Variants in IREB2 observed in about 807,000 individuals in gnomAD.
The protein encoded by IREB2 is iron responsive element binding protein 2.
Under a neutral mutation model 118.8 loss-of-function variants are expected in IREB2, and 39 were observed. That is an observed-to-expected ratio of 0.33 (90% CI 0.25 to 0.43). The LOEUF (loss-of-function observed/expected upper bound fraction) is 0.43. Ranked by LOEUF, IREB2 falls within the 20% of genes least tolerant of loss-of-function variation. The probability of loss-of-function intolerance (pLI) is 1.00; values close to 1 mark genes in which losing one functional copy is unlikely to be tolerated. For missense variants in IREB2, 900 were observed against 1,147.3 expected (o/e 0.78, Z 3.11); for synonymous variants, 372 against 392.2 (o/e 0.95, Z 0.61).
chr15:78,483,966 G>T (rs891540729), intron 11 of IREB2, among the ~76,000 whole-genome samples: 2 of 151,834 alleles, frequency 1.3e-5, no homozygotes, highest in Non-Finnish European at 1.5e-5. Context: ...TGTATTTTTA[G>T]TAGAGACAGG....
chr15:78,496,091 T>A (rs1398016738), intron 20 of IREB2, among the ~76,000 whole-genome samples: 2 of 152,238 alleles, frequency 1.3e-5, no homozygotes, highest in African/African-American at 4.8e-5. Flanking sequence ...CTGGGTCTTG[T>A]GTTGCACATT....
At chr15:78,493,835 T>C (rs1485933497) in intron 18 of IREB2, 74 bp from the exon 19 acceptor site, 1 of 1,411,938 alleles carries the variant, frequency 7.1e-7, no homozygotes, top group East Asian at 2.3e-5. Flanking sequence ...AATTTTTCAA[T>C]AGGTCTTACA....
intron 2 of IREB2, among the ~76,000 whole-genome samples, chr15:78,451,185 C>CG (rs2051020104): frequency 6.6e-6 from 1 of 151,978 alleles, no homozygotes; most frequent in Non-Finnish European, 1.5e-5. Context: ...AGGCTGGTCT[C>CG]GAACTCCTGA....
chr15:78,448,311 A>T (rs142570710), intron 2 of IREB2, among the ~76,000 whole-genome samples: 1 of 151,974 alleles, frequency 6.6e-6, no homozygotes, highest in African/African-American at 2.4e-5. Flanking sequence ...CGCCCGGCTG[A>T]TTTCTATATT....
chr15:78,463,075 T>C lies in IREB2; in HGVS notation c.260T>C (p.Leu87Pro). 6.3e-7 allele frequency: 1 copy of C among 1,599,836 alleles called. No individual in the cohort carries two copies. The highest frequency in any genetic ancestry group is 8.5e-7 in the Non-Finnish European group (1 of 1,175,748). Reference protein sequence around the residue: ...EVPFFPARVLLQDFTGIPAMV... With the variant: ...EVPFFPARVLPQDFTGIPAMV... ...CCCTTTTTCCCTGCCCGTGTTCTTC[T>C]TCAAGATTTTACGTGAGTAATGGGT... Residue 87 changes from leucine (L) to proline (P), a missense_variant, in exon 3 of 22, where the codon CTT (leucine) becomes CCT (proline). Transcript: ENST00000258886.
chr15:78,481,271 C>T (rs189418527), intron 10 of IREB2, among the ~76,000 whole-genome samples: 22 of 152,160 alleles, frequency 1.4e-4, no homozygotes, highest in African/African-American at 4.6e-4. Context: ...GGCGTGATCA[C>T]GGCTCACTGC....
intron 2 of IREB2, among the ~76,000 whole-genome samples, chr15:78,455,351 A>T (rs1167631961): frequency 6.6e-6 from 1 of 152,128 alleles, no homozygotes; most frequent in African/African-American, 2.4e-5. Flanking sequence ...AGATGGGGAG[A>T]GTAGGGAGGA....
chr15:78,439,813 T>G lies in IREB2; in HGVS notation c.38T>G (p.Leu13Arg). Residue 13 changes from leucine to arginine, a missense_variant, in exon 2 of 22, where the codon CTT becomes CGT. Leu to Arg is a moderately radical substitution (Grantham distance 102). Transcript: ENST00000258886. ...APKAGYAFEY[L>R]IETLNDSSHK... ...TTTTCAGGATACGCCTTTGAGTACCTTATTGAAACATTAAATGACAGTTCA... is the reference window on the plus strand; with the variant it reads ...TTTTCAGGATACGCCTTTGAGTACCGTATTGAAACATTAAATGACAGTTCA... The G allele has an allele frequency of 1.3e-6, 2 of 1,594,562 alleles. No homozygotes were observed. Among genetic ancestry groups the G allele is most frequent in the Non-Finnish European group, 1.7e-6 (2 of 1,169,390 alleles).
At chr15:78,483,508 C>T (rs2051610537) in intron 11 of IREB2, 74 bp downstream of exon 11, 1 of 802,256 alleles carries the variant, frequency 1.2e-6, no homozygotes, top group Non-Finnish European at 2.2e-6. Context: ...CAAGGTGACC[C>T]ATAAACTCAA....
At chr15:78,477,493 C>T (rs1006736528) in intron 9 of IREB2, among the ~76,000 whole-genome samples, 6 of 152,254 alleles carry the variant, frequency 3.9e-5, no homozygotes, top group Admixed American at 1.3e-4. Context: ...GTGGTTTCTC[C>T]GTGTAGTCTG....
chr15:78,487,235 C>A (rs377312149), intron 13 of IREB2, among the ~76,000 whole-genome samples: 1 of 151,928 alleles, frequency 6.6e-6, no homozygotes, highest in Non-Finnish European at 1.5e-5. Flanking sequence ...GTTATTATAG[C>A]CAGGTCCTCT....
chr15:78,480,556 G>GT (rs1405566325), intron 10 of IREB2, among the ~76,000 whole-genome samples: 3 of 151,878 alleles, frequency 2.0e-5, no homozygotes, highest in Non-Finnish European at 4.4e-5. Context: ...AGGTGTGGTG[G>GT]TGGGGGCCTG....
At chr15:78,476,590 C>G (rs944138837) in intron 9 of IREB2, 1 of 306,632 alleles carries the variant, frequency 3.3e-6, no homozygotes, top group African/African-American at 2.1e-5. Context: ...AACCATTGAT[C>G]CTGACTTGAC....
At chr15:78,440,904 T>G (rs1239234150) in intron 2 of IREB2, among the ~76,000 whole-genome samples, 1 of 152,210 alleles carries the variant, frequency 6.6e-6, no homozygotes, top group East Asian at 1.9e-4. Flanking sequence ...ATGGAAGTTT[T>G]GACTTTACTA....
intron 13 of IREB2, among the ~76,000 whole-genome samples, chr15:78,487,061 G>A (rs1304892178): frequency 6.6e-6 from 1 of 152,168 alleles, no homozygotes; most frequent in Non-Finnish European, 1.5e-5. Flanking sequence ...TTTTAGAATA[G>A]CATCTGAAAG....
At chr15:78,484,949 T>C (rs2051635823) in intron 12 of IREB2, 29 bp downstream of exon 12, 2 of 1,593,424 alleles carry the variant, frequency 1.3e-6, no homozygotes, top group African/African-American at 2.7e-5. Context: ...CCATACTTTT[T>C]CTTTTTCCTT....
At chr15:78,466,124 C>A in intron 4 of IREB2, 147 bp from the exon 5 acceptor site, 1 of 491,256 alleles carries the variant, frequency 2.0e-6, no homozygotes, top group Non-Finnish European at 3.6e-6. Context: ...CTGAGATTTG[C>A]CTTTGAAACC....
At chr15:78,496,768 C>G (rs2051844535) in intron 20 of IREB2, among the ~76,000 whole-genome samples, 1 of 151,974 alleles carries the variant, frequency 6.6e-6, no homozygotes, top group Admixed American at 6.6e-5. Flanking sequence ...AGTGGCATTT[C>G]AAGAGTGTTG....
chr15:78,440,624 C>G (rs566686597), intron 2 of IREB2, among the ~76,000 whole-genome samples: 9 of 152,338 alleles, frequency 5.9e-5, no homozygotes, highest in African/African-American at 1.4e-4. Context: ...GCCTCAGCCT[C>G]ACAAAGTATT....
Sources: gnomAD v4.1 joint callset for allele counts (sites outside exome capture counted in the v4.1 genomes callset) on GRCh38, gnomAD v4.1.1 for gene constraint, MANE v1.5 for transcripts, NCBI Gene and HGNC (gene_info 2026-07-23, HGNC 2026-07-21) for gene names.